The following AGA variants were observed in gnomAD, a reference collection of about 807,000 sequenced individuals.
AGA encodes the protein aspartylglucosaminidase, also known as N(4)-(beta-N-acetylglucosaminyl)-L-asparaginase.
AGA carries 31 observed loss-of-function variants against 40.1 expected under a neutral mutation model. The observed-to-expected ratio is 0.77, with a 90% CI of 0.58 to 1.04. The LOEUF is 1.04. Ranked by LOEUF, AGA falls within the 50% of genes least tolerant of loss-of-function variation. The pLI is 0.00. For missense variants in AGA, 445 were observed against 435.4 expected (o/e 1.02, Z -0.20); for synonymous variants, 148 against 144.0 (o/e 1.03, Z -0.20).
intron 1 of AGA, 33 bp downstream of exon 1, chr4:177,442,216 G>A: frequency 6.2e-7 from 1 of 1,611,544 alleles, no homozygotes; most frequent in Non-Finnish European, 8.5e-7. Context: ...AGCTCTCGCG[G>A]CGCAGCCGCC....
At chr4:177,434,896 C>T (rs1004493459) in intron 6 of AGA, among the ~76,000 whole-genome samples, 5 of 130,278 alleles carry the variant, frequency 3.8e-5, no homozygotes, top group African/African-American at 1.0e-4. Context: ...TTGAAAACTG[C>T]GAAGTAGATT....
At chr4:177,436,811 A>G (rs1246820432) in intron 5 of AGA, among the ~76,000 whole-genome samples, 2 of 152,216 alleles carry the variant, frequency 1.3e-5, no homozygotes, top group African/African-American at 4.8e-5. Context: ...ATTAATTATT[A>G]TTAACAGGTG....
At position 177,434,483 on chromosome 4, in the gene AGA, T is replaced by C. The variant is rs150175428; in HGVS notation, c.705A>G (p.Val235=). ...CAGCTCCAGGTATTGGTGAGTCTCCTACACGGCTTTGAGAGGGTATTAACA... is the reference window on the plus strand; with the variant it reads ...CAGCTCCAGGTATTGGTGAGTCTCCCACACGGCTTTGAGAGGGTATTAACA... ...NGIKFKIHGR[V]GDSPIPGAGA... is the part of the protein sequence containing the mutation. Residue 235 remains valine (V), a synonymous_variant, in exon 7 of 9, where the codon GTA becomes GTG. Transcript: ENST00000264595. 1 of 1,613,856 alleles carries C rather than the reference T, an allele frequency of 6.2e-7. No homozygotes were observed. The highest frequency in any genetic ancestry group is 8.5e-7 in the Non-Finnish European group (1 of 1,179,838).
chr4:177,436,074 A>G (rs546019987), intron 6 of AGA, among the ~76,000 whole-genome samples: 44 of 152,026 alleles, frequency 2.9e-4, no homozygotes, highest in Non-Finnish European at 5.9e-4. Context: ...TAAAGAGATC[A>G]CCTCTGCCAC....
rs1269365252 is a variant in AGA, at chr4:177,431,224, A to C, written c.*484T>G. The C allele has an allele frequency of 1.6e-5, 7 of 441,850 alleles. No homozygotes were observed. Among genetic ancestry groups the C allele is most frequent in the Non-Finnish European group, 1.3e-5 (3 of 223,032 alleles). 27.4% of individuals were successfully genotyped at this position (441,850 alleles called of 1,614,324 possible). On this transcript the variant is annotated 3_prime_UTR_variant, in exon 9 of 9. Coordinates refer to ENST00000264595, the MANE Select transcript of AGA (RefSeq NM_000027.4). ...TCTTCCTTCCTCAAGTTTTTAGGGAATATTAAGTAAAACCAATAATCAGTG... is the reference window on the plus strand; with the variant it reads ...TCTTCCTTCCTCAAGTTTTTAGGGACTATTAAGTAAAACCAATAATCAGTG...
rs1010610660 is a variant in AGA at position 177,430,823 on chromosome 4, G to C, written c.*885C>G. On this transcript the variant is annotated 3_prime_UTR_variant, in exon 9 of 9. Coordinates refer to ENST00000264595, the MANE Select transcript of AGA (RefSeq NM_000027.4). ...ATTAATGACTGTTGATTAAAAAGAT[G>C]ATTTTGAAGGAAAAATGCTGCTGAG... 3 of 453,834 alleles carry C rather than the reference G, an allele frequency of 6.6e-6. No individual in the cohort carries two copies. The Admixed American group carries it at 7.1e-5, about 11-fold the overall frequency. The allele number at this position is 453,834 out of a possible 1,614,324, so 28.1% of individuals were successfully genotyped here. A position where few individuals can be genotyped will look rare whatever the true frequency, so the allele number is the denominator to read the frequency against.
At position 177,434,425 on chromosome 4, in the gene AGA, C is replaced by A; in HGVS notation, c.763G>T (p.Ala255Ser). The A allele has an allele frequency of 6.2e-7, 1 of 1,613,974 alleles. No individual in the cohort carries two copies. The highest frequency in any genetic ancestry group is 1.1e-5 in the South Asian group (1 of 91,070). The stretch of plus-strand genomic sequence containing the variant: ...AATATATCACCATTCCCAGTGGCTG[C>A]GGCTGCCCCTGCAGTATCGTCAGCA... ...AYADDTAGAA[A>S]ATGNGDILMR... The change falls in exon 7 of 9, where the codon GCA becomes TCA. Residue 255 changes from alanine to serine, a missense_variant. Ala to Ser is a moderately conservative substitution (Grantham distance 99). Coordinates refer to ENST00000264595, the MANE Select transcript of AGA (RefSeq NM_000027.4).
At chr4:177,439,522 G>T in intron 3 of AGA, 54 bp downstream of exon 3, 1 of 1,283,192 alleles carries the variant, frequency 7.8e-7, no homozygotes, top group Non-Finnish European at 1.1e-6. Flanking sequence ...CTATTTTTCA[G>T]TGAAAACTAT....
intron 4 of AGA, 119 bp downstream of exon 4, chr4:177,438,626 C>G (rs1736896034): frequency 6.7e-6 from 5 of 743,510 alleles, no homozygotes; most frequent in Admixed American, 2.0e-5. Context: ...ACCACTAGTT[C>G]TAATGTACAG....
chr4:177,442,133 G>GGCCCA (rs1240074008), intron 1 of AGA, 116 bp downstream of exon 1: 12 of 1,477,328 alleles, frequency 8.1e-6, no homozygotes, highest in South Asian at 1.3e-5. Flanking sequence ...CGCGAGGCCC[G>GGCCCA]GCCCAGCCCG....
At chr4:177,435,032 C>CT (rs754878082) in intron 6 of AGA, among the ~76,000 whole-genome samples, 1 of 151,944 alleles carries the variant, frequency 6.6e-6, no homozygotes, top group Non-Finnish European at 1.5e-5. Flanking sequence ...TCCTGAGTAG[C>CT]TGGGACTACA....
chr4:177,437,356 G>T, intron 5 of AGA, 49 bp downstream of exon 5: 1 of 1,267,084 alleles, frequency 7.9e-7, no homozygotes, highest in Non-Finnish European at 1.2e-6. Flanking sequence ...GCTACAGGAA[G>T]ATAATTAACT....
Position 177,430,942 on chromosome 4 carries a change from C to T in AGA, c.*766G>A, listed in dbSNP as rs1367080305. The T allele has an allele frequency of 6.6e-6, 3 of 454,078 alleles. No individual in the cohort carries two copies. The highest frequency in any genetic ancestry group is 6.0e-5 in the African/African-American group (3 of 50,106). 28.1% of individuals were successfully genotyped at this position (454,078 alleles called of 1,614,324 possible). On this transcript the variant is annotated 3_prime_UTR_variant, in exon 9 of 9. Transcript: ENST00000264595. ...AGCTAAACAACCCATTTCTTGACTT[C>T]TAATTGCCATACCCACCTCTGCACA...
At chr4:177,433,163 T>C (rs915266398) in intron 8 of AGA, 51 bp downstream of exon 8, 1 of 1,612,058 alleles carries the variant, frequency 6.2e-7, no homozygotes. Flanking sequence ...AAGTGTATGT[T>C]TTAGAAATAT....
chr4:177,440,455 T>TTA (rs758531447), intron 1 of AGA, 29 bp from the exon 2 acceptor site: 39 of 1,601,436 alleles, frequency 2.4e-5, no homozygotes, highest in Middle Eastern at 2.0e-4. Flanking sequence ...TAATGCTTGT[T>TTA]TATATATATA....
chr4:177,439,289 G>A (rs562977282), intron 3 of AGA, among the ~76,000 whole-genome samples: 3 of 152,296 alleles, frequency 2.0e-5, no homozygotes, highest in African/African-American at 7.2e-5. Flanking sequence ...GCTGAGGTAG[G>A]AGAATCACTT....
At chr4:177,434,707 T>G (rs1241611447) in intron 6 of AGA, among the ~76,000 whole-genome samples, 1 of 151,836 alleles carries the variant, frequency 6.6e-6, no homozygotes, top group Non-Finnish European at 1.5e-5. Flanking sequence ...AGACGTGGAG[T>G]GTACAACAGC....
chr4:177,439,520 CAGT>C, intron 3 of AGA, 53 bp downstream of exon 3: 1 of 1,246,488 alleles, frequency 8.0e-7, no homozygotes, highest in South Asian at 1.2e-5. Flanking sequence ...TACTATTTTT[CAGT>C]GAAAACTATA....
chr4:177,441,533 G>C (rs1737011645), intron 1 of AGA, among the ~76,000 whole-genome samples: 1 of 152,150 alleles, frequency 6.6e-6, no homozygotes. Flanking sequence ...ACTCATTCTG[G>C]ACACGAGGGC....
Sources: allele counts gnomAD v4.1 joint callset (sites outside exome capture counted in the v4.1 genomes callset), GRCh38; gene constraint gnomAD v4.1.1; transcripts MANE v1.5; gene names NCBI Gene and HGNC (gene_info 2026-07-23, HGNC 2026-07-21).